TF: variants seen among roughly 807,000 people sequenced by gnomAD.
The protein encoded by TF is transferrin.
TF carries 55 observed loss-of-function variants against 82.4 expected under a neutral mutation model. The ratio of observed to expected loss-of-function variants is 0.67; its 90% CI spans 0.54 to 0.84. TF has a LOEUF of 0.84. Among genes scored for constraint, TF ranks in the 40% least tolerant of loss-of-function variants. TF has a pLI of 0.00. For synonymous variants in TF, 332 were observed against 332.6 expected (o/e 1.00, Z 0.02); for missense variants, 737 against 868.4 (o/e 0.85, Z 1.90).
the TF span, among the ~76,000 whole-genome samples, chr3:133,669,458 T>A: frequency 6.6e-6 from 1 of 152,214 alleles, no homozygotes; most frequent in African/African-American, 2.4e-5. Context: ...TGAGAAGTAG[T>A]TTCCTAGCCA....
intron 5 of TF, chr3:133,755,771 G>T: frequency 1.9e-6 from 1 of 519,874 alleles, no homozygotes; most frequent in South Asian, 2.0e-5. Context: ...TCGGTGGATC[G>T]GGCAGAGCCT....
intron 1 of TF, 131 bp downstream of exon 1, chr3:133,746,614 T>G: frequency 1.9e-6 from 2 of 1,042,610 alleles, no homozygotes; most frequent in Non-Finnish European, 2.8e-6. Flanking sequence ...TGCCTTTCCA[T>G]TGCCTCTCTA....
At chr3:133,754,207 G>A (rs1324298929) in intron 3 of TF, 1 of 467,184 alleles carries the variant, frequency 2.1e-6, no homozygotes, top group Non-Finnish European at 3.9e-6. Context: ...GTTGGTAGGT[G>A]TAGGCAGACA....
chr3:133,673,115 C>T, the TF span, among the ~76,000 whole-genome samples: 5 of 152,184 alleles, frequency 3.3e-5, no homozygotes, highest in African/African-American at 1.2e-4. Flanking sequence ...TAAAGCTGAA[C>T]GTACATCTAC....
At chr3:133,750,856 T>C (rs888533717) in intron 2 of TF, among the ~76,000 whole-genome samples, 3 of 152,256 alleles carry the variant, frequency 2.0e-5, no homozygotes, top group African/African-American at 7.2e-5. Flanking sequence ...TATGTACACA[T>C]GTGCCATGTT....
At chr3:133,676,519 C>A in the TF span, among the ~76,000 whole-genome samples, 4 of 152,094 alleles carry the variant, frequency 2.6e-5, no homozygotes, top group African/African-American at 7.2e-5. Context: ...TCTGTCACGT[C>A]TGAGGCTGTT....
At chr3:133,704,351 TC>T in the TF span, 1 of 220,446 alleles carries the variant, frequency 4.5e-6, no homozygotes. Context: ...ATTTTTTCTG[TC>T]CACAGTTCCC....
the TF span, among the ~76,000 whole-genome samples, chr3:133,679,209 A>G: frequency 2.0e-5 from 3 of 152,210 alleles, no homozygotes; most frequent in Admixed American, 2.0e-4. Context: ...TTTTATAGAG[A>G]TGGAGTCTCA....
At chr3:133,722,601 G>A in the TF span, among the ~76,000 whole-genome samples, 1 of 152,066 alleles carries the variant, frequency 6.6e-6, no homozygotes, top group African/African-American at 2.4e-5. Context: ...TGGGGCTAAT[G>A]TCAGTCTTGT....
intron 14 of TF, 122 bp downstream of exon 14, chr3:133,770,694 CTCAG>C (rs1295747331): frequency 2.8e-6 from 3 of 1,079,582 alleles, no homozygotes; most frequent in Non-Finnish European, 4.3e-6. Flanking sequence ...AGCTCTGATT[CTCAG>C]TCTGTCTGCT....
rs1349932429 is a variant in TF, at chr3:133,747,909, C to T, written c.44-503C>T. ...CAGATTCTAGGCCTGGCTTGGCCAA[C>T]GACAAGCAGGGTGACCTTGGGTTAA... On this transcript the variant is annotated intron_variant, in intron 1 of 16. Transcript: ENST00000402696. Among the ~76,000 whole-genome samples, 5 of 150,886 alleles carry T rather than the reference C, an allele frequency of 3.3e-5. 1 individual carries two copies. Among genetic ancestry groups the T allele is most frequent in the Non-Finnish European group, 7.4e-5 (5 of 67,852 alleles).
rs1484119652 is a variant in TF, at chr3:133,767,909, G to A, written c.1487-120G>A. The A allele has an allele frequency of 8.5e-6, 11 of 1,300,926 alleles. No homozygotes were observed. In the East Asian group the frequency reaches 2.3e-4, roughly 27 times the overall value. 80.6% of individuals were successfully genotyped at this position (1,300,926 alleles called of 1,614,324 possible). ...GGCAAGTCCTGGGTTGGTGGTGGCT[G>A]GTCACAGAATTAATGAATATGTTCT... is the stretch of plus-strand genomic sequence containing the variant. On this transcript the variant is annotated intron_variant, in intron 12 of 16. Transcript: ENST00000402696.
chr3:133,759,435 C>T, intron 9 of TF, 106 bp downstream of exon 9: 1 of 1,438,444 alleles, frequency 7.0e-7, no homozygotes, highest in South Asian at 1.2e-5. Flanking sequence ...AAACCTGGCT[C>T]CCAGGAACCT....
chr3:133,727,631 A>C, the TF span, among the ~76,000 whole-genome samples: 1 of 115,888 alleles, frequency 8.6e-6, no homozygotes. Flanking sequence ...TGTGTCTTTT[A>C]ATTGGAGCAT....
chr3:133,776,590 G>C (rs151287774), intron 15 of TF, among the ~76,000 whole-genome samples: 1 of 152,320 alleles, frequency 6.6e-6, no homozygotes, highest in African/African-American at 2.4e-5. Flanking sequence ...AAGCTGAGTG[G>C]CTTGCCCAAG....
chr3:133,727,504 C>T, the TF span, among the ~76,000 whole-genome samples: 3,483 of 105,660 alleles, frequency 0.033, 4 homozygotes, highest in African/African-American at 0.079. Context: ...TTTCCATTTG[C>T]TTGGTAGATC....
intron 6 of TF, 41 bp from the exon 7 acceptor site, chr3:133,756,790 G>A (rs1272077050): frequency 6.2e-7 from 1 of 1,612,960 alleles, no homozygotes; most frequent in Non-Finnish European, 8.5e-7. Flanking sequence ...CACAGCCCAT[G>A]GCTCTCCTGT....
the TF span, among the ~76,000 whole-genome samples, chr3:133,706,389 C>T: frequency 6.6e-6 from 1 of 152,120 alleles, no homozygotes; most frequent in Non-Finnish European, 1.5e-5. Flanking sequence ...GCAAGTTCCT[C>T]CGTTTTGTGC....
chr3:133,763,571 T>G (rs1393206741), intron 9 of TF, among the ~76,000 whole-genome samples: 1 of 152,244 alleles, frequency 6.6e-6, no homozygotes, highest in African/African-American at 2.4e-5. Context: ...CCAATCTGAT[T>G]GTTCTTTTAT....
Sources: gnomAD v4.1 joint callset for allele counts (sites outside exome capture counted in the v4.1 genomes callset) on GRCh38, gnomAD v4.1.1 for gene constraint, MANE v1.5 for transcripts, NCBI Gene and HGNC (gene_info 2026-07-23, HGNC 2026-07-21) for gene names.